Variants in POU6F2 observed in about 807,000 individuals in gnomAD.
POU6F2 encodes POU class 6 homeobox 2, also known as POU domain, class 6, transcription factor 2.
A neutral mutation model predicts 71.3 loss-of-function variants in POU6F2; 31 were observed. That is an observed-to-expected ratio of 0.43 (90% CI 0.33 to 0.59). POU6F2 has a LOEUF of 0.59. Among genes scored for constraint, POU6F2 ranks in the 20% least tolerant of loss-of-function variants. The pLI, the probability that POU6F2 is intolerant of heterozygous loss-of-function variation, is 0.04. For synonymous variants in POU6F2, 347 were observed against 355.7 expected, an observed-to-expected ratio of 0.98 and a Z score of 0.27; for missense variants, 783 against 856.8, an observed-to-expected ratio of 0.91 and a Z score of 1.07.
Position 39,339,832 on chromosome 7 carries a change from G to A in POU6F2, c.789G>A (p.Gln263=), listed in dbSNP as rs80127606. Residue 263 remains glutamine, a synonymous_variant, in exon 5 of 10, where the codon CAG becomes CAA. Transcript: ENST00000518318. ...PPQQPPPASQ[Q]PPAPTSQLQQ... is the part of the protein sequence containing the mutation. Reference sequence around the variant, plus strand: ...AGCAGCCACCACCCGCCTCTCAGCAGCCGCCAGCTCCTACATCTCAGCTGC... The same window carrying A: ...AGCAGCCACCACCCGCCTCTCAGCAACCGCCAGCTCCTACATCTCAGCTGC... The A allele has an allele frequency of 1.3e-6, 2 of 1,591,676 alleles. No individual in the cohort carries two copies. The highest frequency in any genetic ancestry group is 2.3e-5 in the East Asian group (1 of 43,358).
intron 1 of POU6F2, chr7:39,006,610 C>A: frequency 2.0e-6 from 1 of 504,842 alleles, no homozygotes. Context: ...CCATGTAGCT[C>A]CACGGAAGAT....
chr7:39,362,144 A>C (rs2115715239), intron 5 of POU6F2, among the ~76,000 whole-genome samples: 1 of 152,372 alleles, frequency 6.6e-6, no homozygotes, highest in East Asian at 1.9e-4. Context: ...AATCTAAACA[A>C]AATTATAATC....
chr7:39,274,384 G>T (rs1784396485), intron 4 of POU6F2, among the ~76,000 whole-genome samples: 1 of 150,288 alleles, frequency 6.7e-6, no homozygotes, highest in East Asian at 2.0e-4. Flanking sequence ...CCAATAACAG[G>T]ATCTGAAATT....
At chr7:39,371,423 C>T (rs1039158141) in intron 5 of POU6F2, among the ~76,000 whole-genome samples, 1 of 152,164 alleles carries the variant, frequency 6.6e-6, no homozygotes, top group African/African-American at 2.4e-5. Flanking sequence ...TCATGATCTG[C>T]CCACCTTGGC....
intron 1 of POU6F2, among the ~76,000 whole-genome samples, chr7:39,007,839 C>A (rs1789127240): frequency 6.6e-6 from 1 of 151,334 alleles, no homozygotes; most frequent in South Asian, 2.1e-4. Flanking sequence ...ATCCATGTCC[C>A]TACAAAGGAC....
chr7:39,221,022 A>T (rs552115504), intron 4 of POU6F2, among the ~76,000 whole-genome samples: 20 of 152,300 alleles, frequency 1.3e-4, no homozygotes, highest in Non-Finnish European at 1.3e-4. Context: ...TATTGAGTTA[A>T]ATACAATATC....
chr7:39,029,693 A>G (rs1789895244), intron 1 of POU6F2, among the ~76,000 whole-genome samples: 2 of 152,192 alleles, frequency 1.3e-5, no homozygotes, highest in East Asian at 3.8e-4. Context: ...TTCCTTTAAA[A>G]TGGTAAGGAT....
intron 2 of POU6F2, among the ~76,000 whole-genome samples, chr7:39,171,992 A>C (rs888454519): frequency 6.6e-6 from 1 of 152,214 alleles, no homozygotes; most frequent in African/African-American, 2.4e-5. Flanking sequence ...AGAGTCTGCA[A>C]AATGAAAAGT....
At chr7:39,063,005 T>C (rs1214393555) in intron 1 of POU6F2, among the ~76,000 whole-genome samples, 1 of 151,890 alleles carries the variant, frequency 6.6e-6, no homozygotes, top group Non-Finnish European at 1.5e-5. Context: ...TGGAATGGGG[T>C]CAAAGTCACT....
rs192150549 is a variant in POU6F2, at chr7:38,980,680, C to T, written c.105+2622C>T. ...GTTTGTGTTTGTTTCTGCTCAAATA[C>T]GTTTTGGAATAATTATTATTTTTGT... On this transcript the variant is annotated intron_variant, in intron 1 of 9. Coordinates refer to ENST00000518318, the MANE Select transcript of POU6F2 (RefSeq NM_001370959.1). Among the ~76,000 whole-genome samples, 7 of 152,020 alleles carry T rather than the reference C, an allele frequency of 4.6e-5. No homozygotes were observed. In the East Asian group the frequency reaches 1.2e-3, roughly 25 times the overall value.
At chr7:39,033,722 A>G (rs1789999071) in intron 1 of POU6F2, among the ~76,000 whole-genome samples, 2 of 152,284 alleles carry the variant, frequency 1.3e-5, no homozygotes, top group South Asian at 4.1e-4. Context: ...GTCCCTTGAA[A>G]CTTACACACC....
At chr7:39,153,711 T>C (rs1427700110) in intron 2 of POU6F2, among the ~76,000 whole-genome samples, 1 of 152,240 alleles carries the variant, frequency 6.6e-6, no homozygotes, top group Non-Finnish European at 1.5e-5. Flanking sequence ...TTCAGTTTTT[T>C]CCCTTCATCT....
chr7:39,408,276 T>G (rs1289101523), intron 6 of POU6F2, among the ~76,000 whole-genome samples: 2 of 152,238 alleles, frequency 1.3e-5, no homozygotes, highest in African/African-American at 4.8e-5. Context: ...TATTTCCTTC[T>G]GATTTTTTTG....
chr7:38,985,860 G>T (rs1468191733), intron 1 of POU6F2, among the ~76,000 whole-genome samples: 2 of 152,060 alleles, frequency 1.3e-5, no homozygotes, highest in Non-Finnish European at 2.9e-5. Flanking sequence ...GGCTAATATG[G>T]CTCAAATCCC....
chr7:38,978,685 T>G (rs745456054), intron 1 of POU6F2, among the ~76,000 whole-genome samples: 2 of 152,172 alleles, frequency 1.3e-5, no homozygotes, highest in Non-Finnish European at 2.9e-5. Flanking sequence ...CCTAATGCAA[T>G]CCAGCACAGC....
chr7:39,186,665 G>A (rs568808359), intron 2 of POU6F2, among the ~76,000 whole-genome samples: 20 of 152,178 alleles, frequency 1.3e-4, no homozygotes, highest in Admixed American at 1.2e-3. Context: ...TTCCACTACC[G>A]CTCATACAGG....
At chr7:39,241,267 A>T (rs766734070) in intron 4 of POU6F2, among the ~76,000 whole-genome samples, 2 of 152,176 alleles carry the variant, frequency 1.3e-5, no homozygotes, top group Non-Finnish European at 2.9e-5. Flanking sequence ...ATAGATTTAC[A>T]TAATCAATGG....
chr7:38,989,801 TTGTGTG>T (rs375334324), intron 1 of POU6F2, among the ~76,000 whole-genome samples: 3 of 143,056 alleles, frequency 2.1e-5, no homozygotes, highest in South Asian at 2.3e-4. Flanking sequence ...CTGTGTGTGT[TTGTGTG>T]TGTGTGTGTG....
Position 39,460,299 on chromosome 7 carries a change from G to T in POU6F2, c.1490-248G>T, listed in dbSNP as rs1341676761. 1.3e-5 allele frequency among the ~76,000 whole-genome samples: 2 copies of T among 152,222 alleles called. No homozygotes were observed. Among genetic ancestry groups the T allele is most frequent in the East Asian group, 3.8e-4 (2 of 5,202 alleles). Reference sequence around the variant, plus strand: ...AGGAACATGCTCTGGCATTGGGGAAGTGGCAGTGTGAACAAGCTGTGGTTT... The same window carrying T: ...AGGAACATGCTCTGGCATTGGGGAATTGGCAGTGTGAACAAGCTGTGGTTT... On this transcript the variant is annotated intron_variant, in intron 8 of 9. Transcript: ENST00000518318. The surrounding 1 kb of genome is among the most constrained non-coding windows in gnomAD (Gnocchi z 4.4).
Sources: allele counts gnomAD v4.1 joint callset (sites outside exome capture counted in the v4.1 genomes callset), GRCh38; gene constraint gnomAD v4.1.1; non-coding constraint Gnocchi (gnomAD v3.1); transcripts MANE v1.5; gene names NCBI Gene and HGNC (gene_info 2026-07-23, HGNC 2026-07-21).